Variants in RGL3 observed in about 807,000 individuals in gnomAD.
RGL3 encodes the protein ral guanine nucleotide dissociation stimulator-like 3.
In RGL3, 85 loss-of-function variants were observed where a neutral mutation model predicts 90.6. That is an observed-to-expected ratio of 0.94 (90% confidence interval 0.79 to 1.12). RGL3 has a LOEUF of 1.12. Among genes scored for constraint, RGL3 ranks in the 50% most tolerant of loss-of-function variants. The probability of loss-of-function intolerance (pLI) is 0.00; values close to 1 mark genes in which losing one functional copy is unlikely to be tolerated. For missense variants in RGL3, 1,034 were observed against 939.2 expected, an observed-to-expected ratio of 1.10 and a Z score of -1.32; for synonymous variants, 408 against 385.5, an observed-to-expected ratio of 1.06 and a Z score of -0.68.
intron 7 of RGL3, among the ~76,000 whole-genome samples, 194 bp from the exon 8 acceptor site, chr19:11,405,620 G>GCGATCCACATGCCTCAGCCT (rs1487688877): frequency 3.6e-4 from 51 of 140,316 alleles, no homozygotes; most frequent in African/African-American, 1.3e-3. Context: ...CTGGGCTTAA[G>GCGATCCACATGCCTCAGCCT]CGATCCACAT....
rs776330286 is a variant in RGL3 at position 11,399,952 on chromosome 19, C to T, written c.1650-1G>A. 1.3e-6 allele frequency: 2 copies of T among 1,567,290 alleles called. No homozygotes were observed. The highest frequency in any genetic ancestry group is 1.2e-5 in the South Asian group (1 of 85,028). Reference sequence around the variant, plus strand: ...TGAGGGGGGTGACCCTGGGGACACACTGGGGGAGATGCAGAGGCTGAGGTG... The same window carrying T: ...TGAGGGGGGTGACCCTGGGGACACATTGGGGGAGATGCAGAGGCTGAGGTG... On this transcript the variant is annotated splice_acceptor_variant, in intron 15 of 18. Coordinates refer to ENST00000380456, the MANE Select transcript of RGL3 (RefSeq NM_001035223.4). LOFTEE classifies it high-confidence loss of function.
chr19:11,406,264 C>A (rs1157341399), intron 7 of RGL3, among the ~76,000 whole-genome samples, 155 bp downstream of exon 7: 1 of 152,164 alleles, frequency 6.6e-6, no homozygotes, highest in African/African-American at 2.4e-5. Flanking sequence ...AGGACCCAGA[C>A]CCTCCTCCCT....
In RGL3 at chr19:11,402,039, C is replaced by T; in HGVS notation, c.1456G>A (p.Ala486Thr). ...TGCTCCTCGGTGAGCTGGTTCTGGGCATGCAGGGCAGCCAGGATGGGCGGG... is the reference window on the plus strand; with the variant it reads ...TGCTCCTCGGTGAGCTGGTTCTGGGTATGCAGGGCAGCCAGGATGGGCGGG... ...PHPPILAALHAQNQLTEEQSY... is the reference protein window; with the variant it reads ...PHPPILAALHTQNQLTEEQSY... Residue 486 changes from alanine (A) to threonine (T), a missense_variant, in exon 13 of 19, where the codon GCC becomes ACC. By Grantham distance (58) the Ala-to-Thr change is moderately conservative. Transcript: ENST00000380456. 1 of 1,563,172 alleles carries T rather than the reference C, an allele frequency of 6.4e-7. No homozygotes were observed. Among genetic ancestry groups the T allele is most frequent in the South Asian group, 1.2e-5 (1 of 81,694 alleles).
chr19:11,400,186 A>G lies in RGL3; in HGVS notation c.1580+16T>C, dbSNP rs1327101029. ...TCTGCCCACATCACCGCCCCTACACACACCCCGAGACTCACGCACTGAGAC... is the reference window on the plus strand; with the variant it reads ...TCTGCCCACATCACCGCCCCTACACGCACCCCGAGACTCACGCACTGAGAC... On this transcript the variant is annotated intron_variant, in intron 14 of 18. Transcript: ENST00000380456. 17 of 1,569,786 alleles carry G rather than the reference A, an allele frequency of 1.1e-5. No individual in the cohort carries two copies. Among genetic ancestry groups the G allele is most frequent in the Non-Finnish European group, 1.5e-5 (17 of 1,156,292 alleles).
intron 5 of RGL3, among the ~76,000 whole-genome samples, chr19:11,414,327 ATATATATATATACCTT>A (rs1424322614): frequency 0.012 from 682 of 58,188 alleles, 29 homozygotes; most frequent in South Asian, 0.026. Flanking sequence ...ATACCTTCAT[ATATATATATATACCTT>A]TATATATATA....
intron 16 of RGL3, among the ~76,000 whole-genome samples, chr19:11,399,442 G>A (rs1217295044): frequency 2.0e-5 from 3 of 152,160 alleles, no homozygotes; most frequent in Admixed American, 2.0e-4. Context: ...GTGCACACCT[G>A]TGGTCCTAGC....
chr19:11,408,274 G>A (rs764071745), intron 5 of RGL3, among the ~76,000 whole-genome samples: 32 of 152,260 alleles, frequency 2.1e-4, no homozygotes, highest in Non-Finnish European at 1.0e-4. Context: ...TGTGGATTTC[G>A]TTTTTGTTTT....
At chr19:11,416,272 G>T (rs1284165864) in intron 4 of RGL3, 124 bp from the exon 5 acceptor site, 4 of 781,590 alleles carry the variant, frequency 5.1e-6, no homozygotes, top group Non-Finnish European at 7.8e-6. Context: ...AGGCTGCAGT[G>T]CAATGGCCTG....
At chr19:11,407,148 G>A (rs1968798967) in intron 5 of RGL3, among the ~76,000 whole-genome samples, 1 of 151,982 alleles carries the variant, frequency 6.6e-6, no homozygotes, top group Non-Finnish European at 1.5e-5. Flanking sequence ...ACCATGCCCG[G>A]CTAATTTTTG....
At chr19:11,410,211 G>A (rs553228977) in intron 5 of RGL3, among the ~76,000 whole-genome samples, 1 of 150,140 alleles carries the variant, frequency 6.7e-6, no homozygotes, top group Non-Finnish European at 1.5e-5. Flanking sequence ...ATGTTGGCCG[G>A]ACTGGTCTCG....
At chr19:11,410,738 A>C (rs879876534) in intron 5 of RGL3, among the ~76,000 whole-genome samples, 1 of 152,040 alleles carries the variant, frequency 6.6e-6, no homozygotes, top group Non-Finnish European at 1.5e-5. Flanking sequence ...CCTACATCTA[A>C]TCAAACCTTT....
chr19:11,399,826 C>A, intron 16 of RGL3, 29 bp downstream of exon 16: 1 of 1,288,700 alleles, frequency 7.8e-7, no homozygotes, highest in Non-Finnish European at 1.1e-6. Context: ...GCCCGCAGGC[C>A]CGCATGCACA....
At chr19:11,398,698 C>T (rs1340882399) in intron 16 of RGL3, among the ~76,000 whole-genome samples, 3 of 149,532 alleles carry the variant, frequency 2.0e-5, no homozygotes, top group South Asian at 2.1e-4. Flanking sequence ...GAGGGAGCCT[C>T]GCTCTGTCAC....
Position 11,397,530 on chromosome 19 carries a change from G to A in RGL3, c.1814C>T (p.Pro605Leu), listed in dbSNP as rs926199415. ...CTCCGAGCTCTGCTGCGCCGGGAGG[G>A]GGATTCGAGGGCTGCCCAGAGGCAA... is the stretch of plus-strand genomic sequence containing the variant. ...FALPLGSPRI[P>L]LPAQQSSEAR... is the part of the protein sequence containing the mutation. The change falls in exon 17 of 19, where the codon CCC (proline) becomes CTC (leucine). Residue 605 changes from proline to leucine, a missense_variant. By Grantham distance (98) the Pro-to-Leu change is moderately conservative. Coordinates refer to ENST00000380456, the MANE Select transcript of RGL3 (RefSeq NM_001035223.4). 12 of 1,612,426 alleles carry A rather than the reference G, an allele frequency of 7.4e-6. No homozygotes were observed. Among genetic ancestry groups the A allele is most frequent in the African/African-American group, 2.7e-5 (2 of 74,904 alleles).
chr19:11,399,088 G>A (rs551654340), intron 16 of RGL3, among the ~76,000 whole-genome samples: 1 of 152,202 alleles, frequency 6.6e-6, no homozygotes, highest in South Asian at 2.1e-4. Flanking sequence ...CTGAGTAGCT[G>A]GGACTACACC....
intron 5 of RGL3, among the ~76,000 whole-genome samples, chr19:11,410,508 C>G (rs1050924639): frequency 1.3e-5 from 2 of 151,634 alleles, no homozygotes; most frequent in African/African-American, 4.8e-5. Context: ...GTAGTGAGAC[C>G]CCATGTCTAC....
intron 5 of RGL3, among the ~76,000 whole-genome samples, chr19:11,414,306 CATATATATATATACCTTCAT>C (rs1405494520): frequency 2.1e-5 from 1 of 48,736 alleles, no homozygotes; most frequent in Non-Finnish European, 3.5e-5. Context: ...CATATATATA[CATATATATATATACCTTCAT>C]ATATATATAT....
intron 7 of RGL3, among the ~76,000 whole-genome samples, 178 bp from the exon 8 acceptor site, chr19:11,405,604 G>C (rs1031334950): frequency 2.0e-4 from 27 of 133,284 alleles, no homozygotes; most frequent in Non-Finnish European, 3.1e-5. Context: ...TTGCTGCCTG[G>C]AATTCCTGGG....
intron 16 of RGL3, among the ~76,000 whole-genome samples, chr19:11,399,546 G>A (rs1445976327): frequency 2.0e-5 from 3 of 152,068 alleles, no homozygotes; most frequent in Admixed American, 2.0e-4. Context: ...TTCAGCCTGG[G>A]TGACAGAGCA....
Sources: allele counts gnomAD v4.1 joint callset (sites outside exome capture counted in the v4.1 genomes callset), GRCh38; gene constraint gnomAD v4.1.1; transcripts MANE v1.5; gene names NCBI Gene and HGNC (gene_info 2026-07-23, HGNC 2026-07-21).